The following SLIT3 variants were observed in gnomAD, a reference collection of about 807,000 sequenced individuals.
SLIT3 encodes the protein slit guidance ligand 3.
A neutral mutation model predicts 184.0 loss-of-function variants in SLIT3; 68 were observed. That is an observed-to-expected ratio of 0.37 (90% CI 0.30 to 0.45). SLIT3 has a LOEUF of 0.45. Among genes scored for constraint, SLIT3 ranks in the 20% least tolerant of loss-of-function variants. The pLI is 1.00. For synonymous variants in SLIT3, 831 were observed against 828.6 expected (o/e 1.00, Z -0.05); for missense variants, 1,707 against 2,026.0 (o/e 0.84, Z 3.02).
chr5:169,013,704 C>T (rs1366334590), intron 4 of SLIT3, among the ~76,000 whole-genome samples: 3 of 152,194 alleles, frequency 2.0e-5, no homozygotes, highest in African/African-American at 4.8e-5. Flanking sequence ...GGGCCCCATG[C>T]AGCTCCTCGA....
At chr5:168,768,447 GAGA>G (rs1164274279) in intron 14 of SLIT3, among the ~76,000 whole-genome samples, 2 of 152,194 alleles carry the variant, frequency 1.3e-5, no homozygotes, top group Non-Finnish European at 2.9e-5. Flanking sequence ...AGTAGGAAGG[GAGA>G]AGAACGGGAG....
intron 3 of SLIT3, among the ~76,000 whole-genome samples, chr5:169,231,415 T>C (rs1764999533): frequency 6.6e-6 from 1 of 152,184 alleles, no homozygotes; most frequent in African/African-American, 2.4e-5. Context: ...CACCATAGAT[T>C]AGTTTTGCCT....
intron 4 of SLIT3, among the ~76,000 whole-genome samples, chr5:169,032,983 G>A (rs1444489072): frequency 8.0e-6 from 1 of 124,698 alleles, no homozygotes; most frequent in African/African-American, 3.2e-5. Flanking sequence ...TACTCCTGTA[G>A]CATGAATCCC....
intron 4 of SLIT3, among the ~76,000 whole-genome samples, chr5:169,016,599 T>C (rs980688197): frequency 1.3e-5 from 2 of 152,368 alleles, no homozygotes; most frequent in South Asian, 2.1e-4. Context: ...TACTGAGCAC[T>C]GTATGCTATG....
chr5:169,161,922 G>C (rs7722860), intron 4 of SLIT3, among the ~76,000 whole-genome samples: 1 of 151,940 alleles, frequency 6.6e-6, no homozygotes, highest in Non-Finnish European at 1.5e-5. Context: ...AGAAAACAGA[G>C]GGACTACTAC....
chr5:168,956,060 G>A (rs1561572371), intron 4 of SLIT3, among the ~76,000 whole-genome samples: 1 of 152,118 alleles, frequency 6.6e-6, no homozygotes, highest in Non-Finnish European at 1.5e-5. Flanking sequence ...CCATCAACAA[G>A]CAAAACTCAT....
intron 4 of SLIT3, among the ~76,000 whole-genome samples, chr5:168,895,680 C>T (rs921081045): frequency 3.3e-5 from 5 of 152,150 alleles, no homozygotes; most frequent in African/African-American, 1.2e-4. Flanking sequence ...ACCCCATGCG[C>T]TATTTATTGT....
chr5:169,235,570 A>T (rs1219952207), intron 3 of SLIT3, among the ~76,000 whole-genome samples: 1 of 151,968 alleles, frequency 6.6e-6, no homozygotes, highest in Non-Finnish European at 1.5e-5. Context: ...CTTTTTTCAG[A>T]TTTTCTTAGT....
intron 9 of SLIT3, among the ~76,000 whole-genome samples, chr5:168,798,487 C>G (rs1345997122): frequency 6.6e-6 from 1 of 152,048 alleles, no homozygotes; most frequent in Non-Finnish European, 1.5e-5. Context: ...CCTCAGCATC[C>G]CAAAGTGCTG....
chr5:168,848,025 T>C (rs1041621313), intron 5 of SLIT3, among the ~76,000 whole-genome samples: 1 of 152,370 alleles, frequency 6.6e-6, no homozygotes, highest in Middle Eastern at 3.4e-3. Flanking sequence ...GGAGGATGCC[T>C]GAGAGCTCTC....
chr5:169,269,242 T>C (rs1338882718), intron 1 of SLIT3, among the ~76,000 whole-genome samples: 1 of 152,220 alleles, frequency 6.6e-6, no homozygotes, highest in Non-Finnish European at 1.5e-5. Context: ...ATCCAATGAC[T>C]GCAGGTCCTC....
intron 20 of SLIT3, among the ~76,000 whole-genome samples, chr5:168,725,789 C>T (rs2113379256): frequency 6.6e-6 from 1 of 152,310 alleles, no homozygotes; most frequent in South Asian, 2.1e-4. Flanking sequence ...TAGCACACTA[C>T]CTGGTGTCCA....
chr5:168,908,657 G>C (rs1761158515), intron 4 of SLIT3, among the ~76,000 whole-genome samples: 1 of 152,104 alleles, frequency 6.6e-6, no homozygotes, highest in Non-Finnish European at 1.5e-5. Flanking sequence ...AAACTGCAAG[G>C]GAACAAGGCA....
intron 4 of SLIT3, among the ~76,000 whole-genome samples, chr5:169,006,922 G>T (rs767896330): frequency 2.0e-5 from 3 of 152,072 alleles, no homozygotes; most frequent in Admixed American, 2.0e-4. Context: ...CTCTCATCAC[G>T]CAGCCCTGCC....
chr5:168,808,179 AGAT>A (rs35461943), intron 8 of SLIT3, among the ~76,000 whole-genome samples: 15,429 of 152,138 alleles, frequency 0.1, 1,082 homozygotes, highest in African/African-American at 0.2. Context: ...AATGCCCGAA[AGAT>A]GATGACTTAC....
intron 4 of SLIT3, among the ~76,000 whole-genome samples, chr5:169,158,794 T>G (rs1762386754): frequency 6.6e-6 from 1 of 152,158 alleles, no homozygotes; most frequent in Non-Finnish European, 1.5e-5. Context: ...CTAGAGGCAC[T>G]ACTAAAAATG....
chr5:169,073,221 T>C (rs1215963897), intron 4 of SLIT3, among the ~76,000 whole-genome samples: 1 of 152,124 alleles, frequency 6.6e-6, no homozygotes, highest in African/African-American at 2.4e-5. Context: ...ATATCCTAAT[T>C]CTCATGTACT....
chr5:169,123,043 G>A (rs1760940659), intron 4 of SLIT3, among the ~76,000 whole-genome samples: 3 of 151,882 alleles, frequency 2.0e-5, no homozygotes, highest in Admixed American at 2.0e-4. Context: ...ATACATATGA[G>A]GGATCTTCAA....
At chr5:169,211,154 C>T (rs1764253730) in intron 3 of SLIT3, among the ~76,000 whole-genome samples, 1 of 152,122 alleles carries the variant, frequency 6.6e-6, no homozygotes, top group South Asian at 2.1e-4. Flanking sequence ...CCATCTGAAA[C>T]AGCCAAACCC....
Sources: gnomAD v4.1 joint callset for allele counts (sites outside exome capture counted in the v4.1 genomes callset) on GRCh38, gnomAD v4.1.1 for gene constraint, MANE v1.5 for transcripts, NCBI Gene and HGNC (gene_info 2026-07-23, HGNC 2026-07-21) for gene names.